The following FHIT variants were observed in gnomAD, a reference collection of about 807,000 sequenced individuals.
FHIT encodes the protein fragile histidine triad diadenosine triphosphatase.
FHIT carries 19 observed loss-of-function variants against 17.9 expected under a neutral mutation model. That is an observed-to-expected ratio of 1.06 (90% confidence interval 0.74 to 1.56). The LOEUF (loss-of-function observed/expected upper bound fraction) is 1.56, where lower values mean the gene tolerates loss of function less well. Among genes scored for constraint, FHIT ranks in the 40% most tolerant of loss-of-function variants. The pLI is 0.00. For missense variants in FHIT, 248 were observed against 189.2 expected (o/e 1.31, Z -1.82); for synonymous variants, 81 against 69.7 (o/e 1.16, Z -0.81).
At chr3:61,085,882 A>T (rs2035291028) in intron 2 of FHIT, among the ~76,000 whole-genome samples, 1 of 152,126 alleles carries the variant, frequency 6.6e-6, no homozygotes, top group Non-Finnish European at 1.5e-5. Flanking sequence ...CATAGTTTAT[A>T]ACCCTTTTTA....
chr3:60,636,426 C>G (rs2039586992), intron 4 of FHIT, among the ~76,000 whole-genome samples: 1 of 149,878 alleles, frequency 6.7e-6, no homozygotes, highest in South Asian at 2.1e-4. Context: ...GGTTACCAGA[C>G]TTGGGCATGT....
chr3:60,510,123 T>G (rs1288202527), intron 5 of FHIT, among the ~76,000 whole-genome samples: 2 of 152,128 alleles, frequency 1.3e-5, no homozygotes, highest in African/African-American at 4.8e-5. Context: ...GTGGAATTCA[T>G]AAAACAAAGG....
chr3:60,994,373 A>G (rs764411536), intron 3 of FHIT, among the ~76,000 whole-genome samples: 2 of 152,202 alleles, frequency 1.3e-5, no homozygotes, highest in Admixed American at 6.5e-5. Context: ...AGTGTATTAC[A>G]TATTTAGTTA....
intron 8 of FHIT, among the ~76,000 whole-genome samples, chr3:59,823,024 C>T (rs1700849816): frequency 6.6e-6 from 1 of 152,164 alleles, no homozygotes; most frequent in Non-Finnish European, 1.5e-5. Context: ...GTGTGACTTG[C>T]CAATTATCCC....
intron 3 of FHIT, among the ~76,000 whole-genome samples, chr3:60,967,649 G>A (rs576601259): frequency 6.6e-6 from 1 of 152,204 alleles, no homozygotes; most frequent in African/African-American, 2.4e-5. Context: ...GCAGGTATCA[G>A]TTTCTAAGAA....
chr3:60,154,402 T>C (rs1700594548), intron 5 of FHIT, among the ~76,000 whole-genome samples: 1 of 152,156 alleles, frequency 6.6e-6, no homozygotes, highest in African/African-American at 2.4e-5. Context: ...TAGAAATCAG[T>C]CATGAAAGGT....
chr3:60,731,657 G>T lies in FHIT; in HGVS notation c.-18+90262C>A, dbSNP rs2042032833. On this transcript the variant is annotated intron_variant, in intron 4 of 9. Coordinates refer to ENST00000492590, the MANE Select transcript of FHIT (RefSeq NM_002012.4). ...TACACCAGTTAAACTCCACCATTTTGCCTCTTAGTGCACATACTTGATCCC... is the reference window on the plus strand; with the variant it reads ...TACACCAGTTAAACTCCACCATTTTTCCTCTTAGTGCACATACTTGATCCC... Among the ~76,000 whole-genome samples the T allele has an allele frequency of 2.0e-5, 3 of 152,060 alleles. No homozygotes were observed. In the South Asian group the frequency reaches 6.2e-4, roughly 32 times the overall value.
intron 5 of FHIT, among the ~76,000 whole-genome samples, chr3:60,385,012 G>A (rs1241465074): frequency 6.6e-6 from 1 of 151,988 alleles, no homozygotes; most frequent in Non-Finnish European, 1.5e-5. Context: ...AATATATTAT[G>A]GCAAGGAAAA....
chr3:60,354,654 A>T (rs1474325004), intron 5 of FHIT, among the ~76,000 whole-genome samples: 1 of 152,162 alleles, frequency 6.6e-6, no homozygotes, highest in African/African-American at 2.4e-5. Context: ...ATAAAAAACA[A>T]TTCTATATCA....
At chr3:60,377,703 G>C (rs532278931) in intron 5 of FHIT, among the ~76,000 whole-genome samples, 1 of 141,840 alleles carries the variant, frequency 7.1e-6, no homozygotes, top group Non-Finnish European at 1.5e-5. Flanking sequence ...GGATGGTCTC[G>C]ATCTCCTGAC....
chr3:59,980,965 A>G (rs1323613816), intron 7 of FHIT, among the ~76,000 whole-genome samples: 1 of 152,168 alleles, frequency 6.6e-6, no homozygotes, highest in African/African-American at 2.4e-5. Flanking sequence ...TGTGAAAATA[A>G]CATTAGTTTC....
At chr3:60,167,340 T>A (rs554574753) in intron 5 of FHIT, among the ~76,000 whole-genome samples, 6 of 152,328 alleles carry the variant, frequency 3.9e-5, no homozygotes, top group African/African-American at 1.4e-4. Context: ...GAAACACACC[T>A]CTTATTCTAG....
chr3:60,598,535 C>T (rs564767638), intron 4 of FHIT, among the ~76,000 whole-genome samples: 1 of 152,076 alleles, frequency 6.6e-6, no homozygotes, highest in South Asian at 2.1e-4. Flanking sequence ...GTTGCAAGAG[C>T]AAAGAAAAGC....
chr3:60,834,615 T>C (rs1382870127), intron 3 of FHIT, among the ~76,000 whole-genome samples: 1 of 152,032 alleles, frequency 6.6e-6, no homozygotes, highest in Non-Finnish European at 1.5e-5. Context: ...TACCAGCATT[T>C]GGGAGGCCGA....
chr3:60,815,707 T>C (rs1701718560), intron 4 of FHIT, among the ~76,000 whole-genome samples: 1 of 152,130 alleles, frequency 6.6e-6, no homozygotes, highest in African/African-American at 2.4e-5. Flanking sequence ...TTGCTTTGGC[T>C]ATTCAGTCTC....
At chr3:60,091,834 G>C (rs1703746579) in intron 5 of FHIT, among the ~76,000 whole-genome samples, 1 of 152,034 alleles carries the variant, frequency 6.6e-6, no homozygotes, top group Admixed American at 6.6e-5. Flanking sequence ...AGCTTGCTGA[G>C]ACCTCCCTAG....
chr3:61,009,241 G>A (rs957907916), intron 3 of FHIT, among the ~76,000 whole-genome samples: 8 of 152,126 alleles, frequency 5.3e-5, no homozygotes, highest in African/African-American at 1.9e-4. Context: ...GAGCAGCAGG[G>A]GTGCAGGCAT....
At chr3:60,843,656 G>C (rs1463973931) in intron 3 of FHIT, among the ~76,000 whole-genome samples, 6 of 143,388 alleles carry the variant, frequency 4.2e-5, no homozygotes, top group Non-Finnish European at 6.2e-5. Flanking sequence ...GATATCACAG[G>C]CTGCTTCTCC....
At chr3:61,029,224 A>C (rs570695566) in intron 3 of FHIT, among the ~76,000 whole-genome samples, 2 of 152,226 alleles carry the variant, frequency 1.3e-5, no homozygotes, top group Non-Finnish European at 2.9e-5. Flanking sequence ...GTTGTTAAAT[A>C]CTAACAACAC....
Sources: gnomAD v4.1 joint callset for allele counts (sites outside exome capture counted in the v4.1 genomes callset) on GRCh38, gnomAD v4.1.1 for gene constraint, MANE v1.5 for transcripts, NCBI Gene and HGNC (gene_info 2026-07-23, HGNC 2026-07-21) for gene names.